RBM33: variants seen among roughly 807,000 people sequenced by gnomAD.
RBM33 encodes RNA binding motif protein 33.
Under a neutral mutation model 132.6 loss-of-function variants are expected in RBM33, and 28 were observed. The ratio of observed to expected loss-of-function variants is 0.21; its 90% CI spans 0.16 to 0.29. The LOEUF is 0.29. RBM33 is among the 10% of genes least tolerant of loss of function. The pLI is 1.00. For synonymous variants in RBM33, 634 were observed against 593.0 expected (o/e 1.07, Z -1.01); for missense variants, 1,291 against 1,518.5 (o/e 0.85, Z 2.49).
chr7:155,758,874 C>T (rs1306755973), intron 14 of RBM33, among the ~76,000 whole-genome samples: 2 of 152,032 alleles, frequency 1.3e-5, no homozygotes, highest in Non-Finnish European at 2.9e-5. Context: ...GAAGAAAAAC[C>T]AAGTAGCTGC....
intron 14 of RBM33, among the ~76,000 whole-genome samples, chr7:155,762,532 C>T (rs1164533776): frequency 6.6e-6 from 1 of 152,328 alleles, no homozygotes; most frequent in Non-Finnish European, 1.5e-5. Flanking sequence ...TTTCATGCCA[C>T]GTATTCCTGT....
In RBM33 at chr7:155,680,669, C is replaced by G. The variant is rs1799313944; in HGVS notation, c.328C>G (p.Gln110Glu). The G allele has an allele frequency of 6.2e-7, 1 of 1,610,864 alleles. No homozygotes were observed. The highest frequency in any genetic ancestry group is 1.1e-5 in the South Asian group (1 of 90,578). Residue 110 changes from glutamine (Q) to glutamate (E), a missense_variant, in exon 5 of 18, where the codon CAA (glutamine) becomes GAA (glutamate). Around this residue, in one of 7 missense-constraint regions of RBM33, gnomAD observed 194 missense variants for 249.8 expected, o/e 0.78. Transcript: ENST00000401878. ...TGAACTCTCTGACAACACTAACGAC[C>G]AATCTGGAGAACAGGAATCTGAGTA... Reference protein sequence around the residue: ...SFELSDNTNDQSGEQESEYEQ... With the variant: ...SFELSDNTNDESGEQESEYEQ...
chr7:155,661,083 CTGTGTGTGTGTGTGGTG>C (rs1798626429), intron 1 of RBM33, among the ~76,000 whole-genome samples: 2 of 132,306 alleles, frequency 1.5e-5, no homozygotes, highest in African/African-American at 2.8e-5. Flanking sequence ...AAAATAATTT[CTGTGTGTGTGTGTGGTG>C]TGTGTGTGTG....
intron 7 of RBM33, among the ~76,000 whole-genome samples, chr7:155,708,139 C>G (rs1800170077): frequency 6.6e-6 from 1 of 152,206 alleles, no homozygotes; most frequent in African/African-American, 2.4e-5. Flanking sequence ...ATTTCAGGAG[C>G]CATTCATTTG....
At chr7:155,760,235 G>T (rs1302054806) in intron 14 of RBM33, among the ~76,000 whole-genome samples, 5 of 152,350 alleles carry the variant, frequency 3.3e-5, no homozygotes, top group Middle Eastern at 3.4e-3. Context: ...GACAGCAAAT[G>T]TTGTGGTCGG....
chr7:155,757,073 A>G (rs1037311360), intron 14 of RBM33, among the ~76,000 whole-genome samples: 70 of 152,308 alleles, frequency 4.6e-4, no homozygotes, highest in African/African-American at 1.4e-3. Context: ...CCATTGGGAA[A>G]GGTGAAATGA....
chr7:155,674,813 G>A (rs1259927607), intron 3 of RBM33, among the ~76,000 whole-genome samples: 1 of 152,134 alleles, frequency 6.6e-6, no homozygotes, highest in East Asian at 1.9e-4. Flanking sequence ...CATTTTGGAA[G>A]TGTGTTTACT....
intron 14 of RBM33, among the ~76,000 whole-genome samples, chr7:155,752,265 CT>C (rs1208013717): frequency 6.6e-6 from 1 of 151,754 alleles, no homozygotes; most frequent in African/African-American, 2.4e-5. Context: ...GTGCCCACTG[CT>C]TTTGTCTGTC....
Position 155,649,395 on chromosome 7 carries a change from A to G in RBM33, c.43+4476A>G, listed in dbSNP as rs1392144739. 5.9e-5 allele frequency among the ~76,000 whole-genome samples: 9 copies of G among 152,218 alleles called. 1 individual carries two copies. The highest frequency in any genetic ancestry group is 2.9e-5 in the Non-Finnish European group (2 of 68,038). ...ATCTTCCTGGCACATAGCATGTGTTAGATATTTGGTGAATGAATTAAAGAA... is the reference window on the plus strand; with the variant it reads ...ATCTTCCTGGCACATAGCATGTGTTGGATATTTGGTGAATGAATTAAAGAA... On this transcript the variant is annotated intron_variant, in intron 1 of 17. Coordinates refer to ENST00000401878, the MANE Select transcript of RBM33 (RefSeq NM_053043.3).
rs892296172 is a variant in RBM33, at chr7:155,780,000, T to C, written c.*4959T>C. ...CAGCATGTAGTTTTTTATTTTAATATGTTCCATAGAGTGGATAGGCAGACA... is the reference window on the plus strand; with the variant it reads ...CAGCATGTAGTTTTTTATTTTAATACGTTCCATAGAGTGGATAGGCAGACA... On this transcript the variant is annotated 3_prime_UTR_variant, in exon 18 of 18. Coordinates refer to ENST00000401878, the MANE Select transcript of RBM33 (RefSeq NM_053043.3). 5 of 152,246 alleles carry C rather than the reference T, an allele frequency of 3.3e-5. No individual in the cohort carries two copies. The highest frequency in any genetic ancestry group is 2.0e-4 in the Admixed American group (3 of 15,278). The allele number at this position is 152,246 out of a possible 1,614,324, so 9.4% of individuals were successfully genotyped here.
intron 9 of RBM33, among the ~76,000 whole-genome samples, chr7:155,724,523 G>T (rs937468030): frequency 5.3e-5 from 8 of 152,146 alleles, no homozygotes; most frequent in African/African-American, 1.7e-4. Context: ...GCGAGACTCC[G>T]TGTCAAGTAA....
At chr7:155,713,657 G>C (rs1252273430) in intron 8 of RBM33, among the ~76,000 whole-genome samples, 1 of 152,176 alleles carries the variant, frequency 6.6e-6, no homozygotes, top group African/African-American at 2.4e-5. Flanking sequence ...GGCTGAGATG[G>C]GGCACGGACT....
rs1802828466 is a variant in RBM33 at position 155,781,342 on chromosome 7, G to T, written c.*6301G>T. 1 of 152,262 alleles carries T rather than the reference G, an allele frequency of 6.6e-6. No individual in the cohort carries two copies. The highest frequency in any genetic ancestry group is 1.5e-5 in the Non-Finnish European group (1 of 68,062). 9.4% of individuals were successfully genotyped at this position (152,262 alleles called of 1,614,324 possible). A position where few individuals can be genotyped will look rare whatever the true frequency, so the allele number is the denominator to read the frequency against. On this transcript the variant is annotated 3_prime_UTR_variant, in exon 18 of 18. Coordinates refer to ENST00000401878, the MANE Select transcript of RBM33 (RefSeq NM_053043.3). ...CTGTGGTAACTTTTTCAGGATCTGT[G>T]TGAAGAATGGTAATGACGTAGTTGA...
At chr7:155,673,754 A>ACGTG (rs1554469905) in intron 3 of RBM33, among the ~76,000 whole-genome samples, 12 of 61,320 alleles carry the variant, frequency 2.0e-4, no homozygotes, top group East Asian at 5.8e-4. Context: ...ACGTGTATAT[A>ACGTG]CGCGCGCATG....
At chr7:155,747,376 A>G (rs1038066526) in intron 14 of RBM33, among the ~76,000 whole-genome samples, 1 of 152,084 alleles carries the variant, frequency 6.6e-6, no homozygotes, top group Non-Finnish European at 1.5e-5. Flanking sequence ...GATGTTGGCC[A>G]TTGTTGGGAA....
chr7:155,669,744 G>A (rs1176390199), intron 2 of RBM33, among the ~76,000 whole-genome samples: 5 of 152,226 alleles, frequency 3.3e-5, no homozygotes, highest in Non-Finnish European at 5.9e-5. Flanking sequence ...GGGAGTACCA[G>A]TTCCTGCCCC....
intron 14 of RBM33, among the ~76,000 whole-genome samples, chr7:155,749,118 C>G (rs773555299): frequency 6.6e-6 from 1 of 152,064 alleles, no homozygotes; most frequent in Non-Finnish European, 1.5e-5. Flanking sequence ...ACAATCATTT[C>G]ATTTTTCTGA....
At chr7:155,711,137 T>C (rs1372432595) in intron 7 of RBM33, 66 bp from the exon 8 acceptor site, 3 of 1,435,626 alleles carry the variant, frequency 2.1e-6, no homozygotes, top group Non-Finnish European at 2.7e-6. Flanking sequence ...AATGTTGATT[T>C]CGGTGAACTT....
In RBM33 at chr7:155,739,756, GCCTCAGCAA is replaced by G. The variant is rs1213235069; in HGVS notation, c.1790_1798del (p.Pro597_Gln599del). The G allele has an allele frequency of 3.9e-6, 6 of 1,547,132 alleles. No homozygotes were observed. Among genetic ancestry groups the G allele is most frequent in the African/African-American group, 2.7e-5 (2 of 72,742 alleles). On this transcript the variant is annotated inframe_deletion, in exon 12 of 18. Transcript: ENST00000401878. ...CATTGCCCCCTCCGCATCAGCCTCA[GCCTCAGCAA>G]CCTCAGCAACAGCCCCCGCCACAGC...
Sources: gnomAD v4.1 joint callset for allele counts (sites outside exome capture counted in the v4.1 genomes callset) on GRCh38, gnomAD v4.1.1 for gene constraint, gnomAD v4.1.1 regional missense constraint, MANE v1.5 for transcripts, NCBI Gene and HGNC (gene_info 2026-07-23, HGNC 2026-07-21) for gene names.